Variants in MSLN observed in about 807,000 individuals in gnomAD.
The protein encoded by MSLN is mesothelin, also known as CAK1 antigen.
MSLN carries 82 observed loss-of-function variants against 72.6 expected under a neutral mutation model. That is an observed-to-expected ratio of 1.13 (90% CI 0.94 to 1.36). The LOEUF (loss-of-function observed/expected upper bound fraction) is 1.36, where lower values mean the gene tolerates loss of function less well. MSLN is among the 40% of genes most tolerant of loss of function. The pLI is 0.00. For missense variants in MSLN, 1,005 were observed against 847.9 expected (o/e 1.19, Z -2.30); for synonymous variants, 456 against 387.3 (o/e 1.18, Z -2.08).
Position 768,761 on chromosome 16 carries a change from C to A in MSLN, c.*28C>A. The stretch of plus-strand genomic sequence containing the variant: ...GCCCCACTCCCTTGCTGGCCCCAGC[C>A]CTGCTGGGGATCCCCGCCTGGCCAG... On this transcript the variant is annotated 3_prime_UTR_variant, in exon 18 of 18. Transcript: ENST00000545450. 6.2e-7 allele frequency: 1 copy of A among 1,601,538 alleles called. No homozygotes were observed. Among genetic ancestry groups the A allele is most frequent in the Non-Finnish European group, 8.5e-7 (1 of 1,172,844 alleles).
chr16:764,502 G>A lies in MSLN; in HGVS notation c.301-145G>A, dbSNP rs528586032. ...GGGAGCCCCCATCCCCCAGGGCAGCGCTGCAGGCGGCCAGAGATCCACTTC... is the reference window on the plus strand; with the variant it reads ...GGGAGCCCCCATCCCCCAGGGCAGCACTGCAGGCGGCCAGAGATCCACTTC... On this transcript the variant is annotated intron_variant, in intron 6 of 17. Coordinates refer to ENST00000545450, the MANE Select transcript of MSLN (RefSeq NM_005823.6). 1.8e-3 allele frequency: 1,420 copies of A among 803,362 alleles called. 2 individuals carry two copies. Among genetic ancestry groups the A allele is most frequent in the Non-Finnish European group, 2.7e-3 (1,252 of 462,162 alleles). The allele number at this position is 803,362 out of a possible 1,614,324, so 49.8% of individuals were successfully genotyped here.
intron 5 of MSLN, 152 bp from the exon 6 acceptor site, chr16:763,871 G>A (rs1320846976): frequency 1.8e-5 from 13 of 731,756 alleles, no homozygotes; most frequent in Admixed American, 1.2e-4. Flanking sequence ...GGCAACTCCC[G>A]GCCCTTGAGG....
intron 5 of MSLN, 97 bp from the exon 6 acceptor site, chr16:763,926 C>A: frequency 1.3e-6 from 2 of 1,525,398 alleles, no homozygotes; most frequent in Admixed American, 1.9e-5. Context: ...GCACCAGGGT[C>A]CTTTGGGGAG....
rs1262070958 is a variant in MSLN, at chr16:763,127, A to G, written c.86-106A>G. 5.5e-6 allele frequency: 4 copies of G among 723,048 alleles called. No individual in the cohort carries two copies. In the East Asian group the frequency reaches 8.3e-5, roughly 15 times the overall value. 44.8% of individuals were successfully genotyped at this position (723,048 alleles called of 1,614,324 possible). A position where few individuals can be genotyped will look rare whatever the true frequency, so the allele number is the denominator to read the frequency against. On this transcript the variant is annotated intron_variant, in intron 3 of 17. Transcript: ENST00000545450. ...ACTGGCTTCTCTTTGGGGTGTGCAC[A>G]GGGCTGGCTGTGGGGGCGGCCAGGC...
rs201139558 is a variant in MSLN at position 765,117 on chromosome 16, G to A, written c.518G>A (p.Arg173Gln). 6.7e-5 allele frequency: 107 copies of A among 1,604,404 alleles called. No homozygotes were observed. The highest frequency in any genetic ancestry group is 1.1e-4 in the East Asian group (5 of 44,778). ...LPAALACWGV[R>Q]GSLLSEADVR... ...AGGCCAGCCTCTCTGCAGGGTGTGC[G>A]GGGGTCTCTGCTGAGCGAGGCTGAT... The change falls in exon 9 of 18, where the codon CGG (arginine) becomes CAG (glutamine). Residue 173 changes from arginine (R) to glutamine (Q), a missense_variant. By Grantham distance (43) the Arg-to-Gln change is conservative. Coordinates refer to ENST00000545450, the MANE Select transcript of MSLN (RefSeq NM_005823.6).
chr16:768,594 G>T (rs749551184), intron 17 of MSLN, 29 bp downstream of exon 17: 2 of 1,610,466 alleles, frequency 1.2e-6, no homozygotes, highest in Non-Finnish European at 1.7e-6. Context: ...CCAGGGCTGG[G>T]GGCAGAGCTG....
chr16:762,709 TG>T lies in MSLN; in HGVS notation c.33del (p.Ser12ProfsTer66). 1 of 1,609,546 alleles carries T rather than the reference TG, an allele frequency of 6.2e-7. No individual in the cohort carries two copies. Among genetic ancestry groups the T allele is most frequent in the Non-Finnish European group, 8.5e-7 (1 of 1,178,650 alleles). On this transcript the variant is annotated frameshift_variant, in exon 3 of 18. Coordinates refer to ENST00000545450, the MANE Select transcript of MSLN (RefSeq NM_005823.6). LOFTEE classifies it high-confidence loss of function. MALPTARPLLGSCGTPALGS... is the reference protein window; with the variant it reads MALPTARPLXGSCGTPALGS... Reference sequence around the variant, plus strand: ...GCCTTGCCAACGGCTCGACCCCTGTTGGGGTCCTGTGGGACCCCCGCCCTCG... The same window carrying T: ...GCCTTGCCAACGGCTCGACCCCTGTTGGGTCCTGTGGGACCCCCGCCCTCG...
In MSLN at chr16:766,095, T is replaced by C. The variant is rs374477654; in HGVS notation, c.932T>C (p.Ile311Thr). 1.9e-6 allele frequency: 3 copies of C among 1,612,440 alleles called. No individual in the cohort carries two copies. The highest frequency in any genetic ancestry group is 1.7e-6 in the Non-Finnish European group (2 of 1,179,730). The change falls in exon 12 of 18, where the codon ATA (isoleucine) becomes ACA (threonine). Residue 311 changes from isoleucine (I) to threonine (T), a missense_variant. Ile to Thr is a moderately conservative substitution (Grantham distance 89). Coordinates refer to ENST00000545450, the MANE Select transcript of MSLN (RefSeq NM_005823.6). The stretch of plus-strand genomic sequence containing the variant: ...CCTTCAGGCAAGAAGGCCCGCGAGA[T>C]AGACGAGAGCCTCATCTTCTACAAG... Reference protein sequence around the residue: ...ACPSGKKAREIDESLIFYKKW... With the variant: ...ACPSGKKARETDESLIFYKKW...
chr16:765,524 C>T lies in MSLN; in HGVS notation c.705-3C>T. 1.2e-6 allele frequency: 2 copies of T among 1,603,006 alleles called. No individual in the cohort carries two copies. Among genetic ancestry groups the T allele is most frequent in the South Asian group, 1.1e-5 (1 of 90,302 alleles). ...CCCTGAGCTGTGTCCCGTGTCTGCA[C>T]AGCCCCCCGTCGACATGGTCTGTCT... is the stretch of plus-strand genomic sequence containing the variant. On this transcript the variant is annotated splice_region_variant and splice_polypyrimidine_tract_variant and intron_variant, in intron 9 of 17. Transcript: ENST00000545450.
At chr16:767,986 A>AGGGGGGGCGTGTG (rs1157998706) in intron 16 of MSLN, among the ~76,000 whole-genome samples, 1 of 18,104 alleles carries the variant, frequency 5.5e-5, no homozygotes, top group East Asian at 1.6e-3. Context: ...GGGGGCGTGG[A>AGGGGGGGCGTGTG]GGGGGGCGCG....
rs373381323 is a variant in MSLN, at chr16:765,515, G to A, written c.705-12G>A. The A allele has an allele frequency of 1.3e-5, 20 of 1,598,970 alleles. No homozygotes were observed. In the Admixed American group the frequency reaches 1.8e-4, roughly 15 times the overall value. ...GTGGGGGGTCCCTGAGCTGTGTCCC[G>A]TGTCTGCACAGCCCCCCGTCGACAT... is the stretch of plus-strand genomic sequence containing the variant. On this transcript the variant is annotated splice_polypyrimidine_tract_variant and intron_variant, in intron 9 of 17. Coordinates refer to ENST00000545450, the MANE Select transcript of MSLN (RefSeq NM_005823.6).
At chr16:765,491 T>C in intron 9 of MSLN, 36 bp from the exon 10 acceptor site, 1 of 1,570,472 alleles carries the variant, frequency 6.4e-7, no homozygotes, top group South Asian at 1.2e-5. Flanking sequence ...GGGCTGCACG[T>C]GGGGGGTCCC....
In MSLN at chr16:768,733, A is replaced by AG; in HGVS notation, c.*3dup. On this transcript the variant is annotated 3_prime_UTR_variant, in exon 18 of 18. Coordinates refer to ENST00000545450, the MANE Select transcript of MSLN (RefSeq NM_005823.6). ...TGCTCCTAGCCTCCACCCTGGCCTG[A>AG]GGGCCCCACTCCCTTGCTGGCCCCA... 1 of 1,610,172 alleles carries AG rather than the reference A, an allele frequency of 6.2e-7. No individual in the cohort carries two copies. The highest frequency in any genetic ancestry group is 8.5e-7 in the Non-Finnish European group (1 of 1,179,382).
At position 767,484 on chromosome 16, in the gene MSLN, G is replaced by A. The variant is rs190334004; in HGVS notation, c.1596+14G>A. On this transcript the variant is annotated intron_variant, in intron 16 of 17. Coordinates refer to ENST00000545450, the MANE Select transcript of MSLN (RefSeq NM_005823.6). Reference sequence around the variant, plus strand: ...GATGCGGTGCTGGTATGGCGAGCGGGAGGAGGGGCGTGTGGAGGAGGGGCC... The same window carrying A: ...GATGCGGTGCTGGTATGGCGAGCGGAAGGAGGGGCGTGTGGAGGAGGGGCC... The A allele has an allele frequency of 2.8e-4, 427 of 1,544,242 alleles. 7 individuals are homozygous for A. The African/African-American group carries it at 5.9e-3, about 21-fold the overall frequency.
At chr16:762,452 G>A (rs762429728) in intron 2 of MSLN, 96 of 545,954 alleles carry the variant, frequency 1.8e-4, no homozygotes, top group Non-Finnish European at 2.8e-4. Context: ...GCTGGGGACC[G>A]GGATCTCAGA....
At chr16:766,549 T>G in intron 13 of MSLN, 59 bp downstream of exon 13, 1 of 1,607,718 alleles carries the variant, frequency 6.2e-7, no homozygotes, top group South Asian at 1.1e-5. Flanking sequence ...AGGGGCAGAG[T>G]GGGGGACAAA....
intron 16 of MSLN, 132 bp from the exon 17 acceptor site, chr16:768,247 A>C: frequency 1.2e-6 from 1 of 863,596 alleles, no homozygotes; most frequent in Non-Finnish European, 1.7e-6. Context: ...CTGGCCGGAG[A>C]CCTCCGAAGT....
chr16:761,534 T>C (rs1209752404), intron 2 of MSLN, among the ~76,000 whole-genome samples: 1 of 151,816 alleles, frequency 6.6e-6, no homozygotes, highest in Non-Finnish European at 1.5e-5. Context: ...GGGTGGGGAG[T>C]GCCCAGGTCC....
intron 2 of MSLN, among the ~76,000 whole-genome samples, chr16:761,744 C>G (rs922235919): frequency 1.3e-5 from 2 of 152,188 alleles, no homozygotes; most frequent in Non-Finnish European, 2.9e-5. Flanking sequence ...TGTGCCTCCC[C>G]GCGACATTCC....
Sources: gnomAD v4.1 joint callset for allele counts (sites outside exome capture counted in the v4.1 genomes callset) on GRCh38, gnomAD v4.1.1 for gene constraint, MANE v1.5 for transcripts, NCBI Gene and HGNC (gene_info 2026-07-23, HGNC 2026-07-21) for gene names.